The following FADS6 variants were observed in gnomAD, a reference collection of about 807,000 sequenced individuals.
The protein encoded by FADS6 is fatty acid desaturase domain family, member 6.
In FADS6, 28 loss-of-function variants were observed where a neutral mutation model predicts 31.7. The ratio of observed to expected loss-of-function variants is 0.88; its 90% confidence interval spans 0.66 to 1.21. The LOEUF is 1.21. Ranked by LOEUF, FADS6 falls within the 50% of genes most tolerant of loss-of-function variation. The pLI is 0.00. For missense variants in FADS6, 494 were observed against 504.2 expected (o/e 0.98, Z 0.19); for synonymous variants, 191 against 213.1 (o/e 0.90, Z 0.90).
intron 2 of FADS6, among the ~76,000 whole-genome samples, chr17:74,886,847 C>A (rs78293425): frequency 6.6e-6 from 1 of 152,206 alleles, no homozygotes; most frequent in East Asian, 1.9e-4. Flanking sequence ...CTGTCTGAAG[C>A]CACCTTCCTG....
At chr17:74,886,458 T>TAAA (rs60503024) in intron 2 of FADS6, among the ~76,000 whole-genome samples, 5 of 82,904 alleles carry the variant, frequency 6.0e-5, no homozygotes, top group East Asian at 3.6e-4. Context: ...AAATCCTGTC[T>TAAA]AAAAAAAAAA....
In FADS6 at chr17:74,893,612, G is replaced by A. The variant is rs1476303481; in HGVS notation, c.-17C>T. 7.9e-7 allele frequency: 1 copy of A among 1,273,394 alleles called. No homozygotes were observed. Among genetic ancestry groups the A allele is most frequent in the Non-Finnish European group, 1.0e-6 (1 of 1,003,146 alleles). The allele number at this position is 1,273,394 out of a possible 1,614,324, so 78.9% of individuals were successfully genotyped here. On this transcript the variant is annotated 5_prime_UTR_variant, in exon 1 of 6. Coordinates refer to ENST00000612771, the MANE Select transcript of FADS6 (RefSeq NM_178128.6). The stretch of plus-strand genomic sequence containing the variant: ...GGGTTCCATGGACTCTGTGGGCTCG[G>A]GCCCGACGCGCACGGAGGACTGGAG...
At chr17:74,892,864 C>A (rs1027840777) in intron 1 of FADS6, among the ~76,000 whole-genome samples, 175 bp from the exon 2 acceptor site, 1 of 152,176 alleles carries the variant, frequency 6.6e-6, no homozygotes, top group South Asian at 2.1e-4. Flanking sequence ...GACTGCCCCT[C>A]CAGCGGTCCT....
chr17:74,878,893 C>T (rs556207666), intron 5 of FADS6: 10 of 199,166 alleles, frequency 5.0e-5, no homozygotes, highest in Non-Finnish European at 9.1e-5. Flanking sequence ...AGTCGCCCTG[C>T]TAGTAAGAAA....
Position 74,883,288 on chromosome 17 carries a change from C to T in FADS6, c.412-578G>A, listed in dbSNP as rs993970408. Among the ~76,000 whole-genome samples the T allele has an allele frequency of 2.2e-4, 33 of 152,106 alleles. 1 individual carries two copies. The highest frequency in any genetic ancestry group is 2.2e-3 in the Admixed American group (33 of 15,262). The stretch of plus-strand genomic sequence containing the variant: ...GATCCCCAGTGGGATTCTCGGAAGC[C>T]GCTCTGAGCAGCAGCACGTGCGCTC... On this transcript the variant is annotated intron_variant, in intron 2 of 5. Coordinates refer to ENST00000612771, the MANE Select transcript of FADS6 (RefSeq NM_178128.6).
intron 2 of FADS6, among the ~76,000 whole-genome samples, chr17:74,888,155 CG>C (rs2038648218): frequency 2.3e-5 from 2 of 86,310 alleles, no homozygotes; most frequent in African/African-American, 2.1e-4. Flanking sequence ...CACACACACA[CG>C]CGCGCGCGCG....
downstream of FADS6, among the ~76,000 whole-genome samples, chr17:74,875,186 T>C (rs112158651): frequency 1.9e-3 from 285 of 152,322 alleles, 3 homozygotes; most frequent in African/African-American, 6.5e-3. Flanking sequence ...CATTGAGAAA[T>C]TTAATCTCTC....
chr17:74,880,723 C>T (rs1470263867), intron 4 of FADS6, among the ~76,000 whole-genome samples: 1 of 152,128 alleles, frequency 6.6e-6, no homozygotes, highest in Non-Finnish European at 1.5e-5. Context: ...CCACTTACCA[C>T]AACTGCTGTT....
chr17:74,877,044 C>A (rs575541039), downstream of FADS6, among the ~76,000 whole-genome samples: 9 of 152,102 alleles, frequency 5.9e-5, no homozygotes, highest in African/African-American at 1.9e-4. Flanking sequence ...TATATTCCCA[C>A]CTCACTCCCA....
rs113821757 is a variant in FADS6, at chr17:74,892,110, T to A, written c.411+413A>T. Among the ~76,000 whole-genome samples, 298 of 152,286 alleles carry A rather than the reference T, an allele frequency of 2.0e-3. 4 individuals carry two copies. Among genetic ancestry groups the A allele is most frequent in the African/African-American group, 6.9e-3 (288 of 41,564 alleles). Reference sequence around the variant, plus strand: ...GAGCTGACCCCGGGGAGCAGGGGGCTTCTCAGGAAGGCTAGGCCATGGCCA... The same window carrying A: ...GAGCTGACCCCGGGGAGCAGGGGGCATCTCAGGAAGGCTAGGCCATGGCCA... On this transcript the variant is annotated intron_variant, in intron 2 of 5. Coordinates refer to ENST00000612771, the MANE Select transcript of FADS6 (RefSeq NM_178128.6).
intron 2 of FADS6, among the ~76,000 whole-genome samples, chr17:74,889,389 G>A (rs1325544838): frequency 6.6e-6 from 1 of 152,138 alleles, no homozygotes; most frequent in Non-Finnish European, 1.5e-5. Context: ...TGGGAGGAGA[G>A]TCAGAAATCC....
At chr17:74,886,673 C>T (rs1204850209) in intron 2 of FADS6, among the ~76,000 whole-genome samples, 1 of 152,156 alleles carries the variant, frequency 6.6e-6, no homozygotes, top group Non-Finnish European at 1.5e-5. Flanking sequence ...AAACTACCAA[C>T]TTAGATTACC....
At position 74,878,418 on chromosome 17, in the gene FADS6, T is replaced by C. The variant is rs754118339; in HGVS notation, c.1020A>G (p.Ser340=). Residue 340 remains serine (S), a synonymous_variant, in exon 6 of 6, where the codon TCA becomes TCG. Coordinates refer to ENST00000612771, the MANE Select transcript of FADS6 (RefSeq NM_178128.6). The stretch of plus-strand genomic sequence containing the variant: ...GAAACAGCTGGAAGCGAGCCAGGTA[T>C]GAGTCCTCGTTGTACGGTAGCTGCT... ...REKQLPYNED[S]YLARFQLFLR... The C allele has an allele frequency of 1.2e-6, 2 of 1,614,040 alleles. No homozygotes were observed. The highest frequency in any genetic ancestry group is 1.3e-5 in the African/African-American group (1 of 75,070).
chr17:74,880,448 G>A (rs1219448954), intron 4 of FADS6, among the ~76,000 whole-genome samples: 11 of 152,110 alleles, frequency 7.2e-5, no homozygotes, highest in East Asian at 5.8e-4. Flanking sequence ...TCTGCCTCCC[G>A]GGTTCAAGCG....
Position 74,882,670 on chromosome 17 carries a change from T to G in FADS6, c.452A>C (p.His151Pro), listed in dbSNP as rs367741660. The change falls in exon 3 of 6, where the codon CAC becomes CCC. Residue 151 changes from histidine (H) to proline (P), a missense_variant. Transcript: ENST00000612771. ...AFTAEHATHG[H>P]VKMHHAYTNV... The stretch of plus-strand genomic sequence containing the variant: ...GGTGTAGGCATGGTGCATCTTGACG[T>G]GCCCATGCGTGGCGTGCTCTGCAGT... 17 of 1,611,334 alleles carry G rather than the reference T, an allele frequency of 1.1e-5. No homozygotes were observed. Among genetic ancestry groups the G allele is most frequent in the Non-Finnish European group, 1.4e-5 (16 of 1,179,124 alleles).
At chr17:74,889,497 C>T (rs1323156568) in intron 2 of FADS6, among the ~76,000 whole-genome samples, 1 of 146,564 alleles carries the variant, frequency 6.8e-6, no homozygotes, top group Admixed American at 6.8e-5. Flanking sequence ...AACGCCCCAA[C>T]ATATACACAG....
chr17:74,875,068 C>A (rs2038500363), downstream of FADS6, among the ~76,000 whole-genome samples: 1 of 152,212 alleles, frequency 6.6e-6, no homozygotes, highest in African/African-American at 2.4e-5. Flanking sequence ...CGAAAAAGTT[C>A]TGTAGGGCTC....
chr17:74,893,485 C>T lies in FADS6; in HGVS notation c.111G>A (p.Ala37=), dbSNP rs377246913. ...GCAGCAGCGCCTCGCCCCCACGGTG[C>T]GCGCTCCGCGCCGGTTCCATGGGCT... ...PTEPMEPARS[A]HRGGEALLRE... is the part of the protein sequence containing the mutation. Residue 37 remains alanine, a synonymous_variant, in exon 1 of 6, where the codon GCG becomes GCA. Coordinates refer to ENST00000612771, the MANE Select transcript of FADS6 (RefSeq NM_178128.6). 5.5e-5 allele frequency: 87 copies of T among 1,593,080 alleles called. No homozygotes were observed. The highest frequency in any genetic ancestry group is 1.0e-4 in the Admixed American group (6 of 57,640).
At chr17:74,888,171 C>G (rs529286) in intron 2 of FADS6, among the ~76,000 whole-genome samples, 6 of 150,380 alleles carry the variant, frequency 4.0e-5, no homozygotes, top group Non-Finnish European at 1.5e-5. Flanking sequence ...CGCGCGCGCG[C>G]GCAGAGTACC....
Sources: gnomAD v4.1 joint callset for allele counts (sites outside exome capture counted in the v4.1 genomes callset) on GRCh38, gnomAD v4.1.1 for gene constraint, MANE v1.5 for transcripts, NCBI Gene and HGNC (gene_info 2026-07-23, HGNC 2026-07-21) for gene names.